The following GABRA3 variants were observed in gnomAD, a reference collection of about 807,000 sequenced individuals.
The protein encoded by GABRA3 is gamma-aminobutyric acid type A receptor subunit alpha3, also known as gamma-aminobutyric acid receptor subunit alpha-3.
Under a neutral mutation model 30.1 loss-of-function variants are expected in GABRA3, and 10 were observed. The ratio of observed to expected loss-of-function variants is 0.33; its 90% CI spans 0.20 to 0.56. GABRA3 has a LOEUF of 0.56. Ranked by LOEUF, GABRA3 falls within the 20% of genes least tolerant of loss-of-function variation. The pLI, the probability that GABRA3 is intolerant of heterozygous loss-of-function variation, is 0.89. For missense variants in GABRA3, 233 were observed against 392.0 expected (o/e 0.59, Z 3.42); for synonymous variants, 151 against 146.8 (o/e 1.03, Z -0.21).
chrX:152,301,778 C>A (rs1408203370), intron 3 of GABRA3, among the ~76,000 whole-genome samples: 2 of 111,193 alleles, frequency 1.8e-5, no homozygotes, highest in Non-Finnish European at 3.8e-5. Flanking sequence ...ATGATCTGCC[C>A]ACCTCAGCCT....
Position 152,168,478 on chromosome X carries a change from T to G in GABRA3, c.1229A>C (p.Asp410Ala). Reference protein sequence around the residue: ...GTTYPINLAKDTEFSTISKGA... With the variant: ...GTTYPINLAKATEFSTISKGA... ...CTTGGAGATGGTGGAAAATTCAGTG[T>G]CCTTGGCCAGGTTGATGGGATAGGT... The change falls in exon 10 of 10, where the codon GAC becomes GCC. Residue 410 changes from aspartate (D) to alanine (A), a missense_variant. Physicochemically the swap from Asp to Ala is moderately radical, Grantham distance 126. This residue lies in a region of GABRA3 where 66 missense variants were observed against 57.1 expected (regional missense o/e 1.16). Coordinates refer to ENST00000370314, the MANE Select transcript of GABRA3 (RefSeq NM_000808.4). The G allele has an allele frequency of 1.7e-6, 2 of 1,211,332 alleles. No individual in the cohort carries two copies. The highest frequency in any genetic ancestry group is 2.2e-6 in the Non-Finnish European group (2 of 895,024).
chrX:152,240,956 C>T (rs1453316992), intron 5 of GABRA3, among the ~76,000 whole-genome samples: 3 of 99,901 alleles, frequency 3.0e-5, no homozygotes, highest in Non-Finnish European at 6.0e-5. Flanking sequence ...TCCCGTAGCT[C>T]AGAGTAATTT....
chrX:152,223,532 CT>C (rs1436851997), intron 6 of GABRA3, among the ~76,000 whole-genome samples: 1 of 110,245 alleles, frequency 9.1e-6, no homozygotes, highest in Non-Finnish European at 1.9e-5. Context: ...TGATCTCATC[CT>C]TTTCTCCTGC....
intron 4 of GABRA3, among the ~76,000 whole-genome samples, chrX:152,275,328 ATATT>A (rs1412056608): frequency 3.7e-4 from 3 of 8,194 alleles, no homozygotes; most frequent in Admixed American, 4.3e-3. Flanking sequence ...TATATAATAT[ATATT>A]TAATATTATA....
intron 3 of GABRA3, among the ~76,000 whole-genome samples, chrX:152,343,227 A>T (rs1940340971): frequency 9.0e-6 from 1 of 111,490 alleles, no homozygotes; most frequent in Non-Finnish European, 1.9e-5. Flanking sequence ...CCTGCACTGT[A>T]GCCTAAAAAT....
intron 6 of GABRA3, among the ~76,000 whole-genome samples, chrX:152,220,976 T>C (rs7057587): frequency 0.049 from 5,451 of 110,508 alleles, 336 homozygotes; most frequent in East Asian, 0.32. Context: ...TTTATATAGA[T>C]TTGCAGGATG....
intron 2 of GABRA3, among the ~76,000 whole-genome samples, chrX:152,362,756 T>A (rs1928544248): frequency 9.0e-6 from 1 of 111,682 alleles, no homozygotes; most frequent in Non-Finnish European, 1.9e-5. Flanking sequence ...ATCTTGGTGA[T>A]TGATTCAATC....
At chrX:152,326,075 G>A (rs1176015635) in intron 3 of GABRA3, among the ~76,000 whole-genome samples, 1 of 111,220 alleles carries the variant, frequency 9.0e-6, no homozygotes, top group Non-Finnish European at 1.9e-5. Context: ...TTCAGTAGCC[G>A]ATTTGATCAA....
rs1387830293 is a variant in GABRA3 at position 152,439,257 on chromosome X, C to T, written c.-27+11889G>A. On this transcript the variant is annotated intron_variant, in intron 1 of 9. Coordinates refer to ENST00000370314, the MANE Select transcript of GABRA3 (RefSeq NM_000808.4). ...ATTTGATTCTCCTGCCTCAGTCTCC[C>T]GAGTAGCTGAGATTACAGACGCCTG... Among the ~76,000 whole-genome samples the T allele has an allele frequency of 1.2e-4, 13 of 110,511 alleles. No homozygotes were observed. In the East Asian group the frequency reaches 3.2e-3, roughly 27 times the overall value.
intron 6 of GABRA3, among the ~76,000 whole-genome samples, chrX:152,215,257 C>T (rs759447005): frequency 9.1e-6 from 1 of 109,558 alleles, no homozygotes; most frequent in Non-Finnish European, 1.9e-5. Context: ...TAGAAAAGAG[C>T]TCTCAGCCTT....
intron 3 of GABRA3, among the ~76,000 whole-genome samples, chrX:152,306,969 T>C (rs1216607663): frequency 9.0e-6 from 1 of 111,067 alleles, no homozygotes; most frequent in African/African-American, 3.3e-5. Flanking sequence ...AATTTTGATA[T>C]TCAGATAGTG....
chrX:152,192,165 T>A (rs1937333041), intron 8 of GABRA3, among the ~76,000 whole-genome samples: 1 of 112,013 alleles, frequency 8.9e-6, no homozygotes, highest in African/African-American at 3.2e-5. Flanking sequence ...ATTAAAACTG[T>A]CAACTTTTTG....
intron 9 of GABRA3, among the ~76,000 whole-genome samples, chrX:152,170,998 A>T (rs1287145175): frequency 8.9e-6 from 1 of 112,226 alleles, no homozygotes; most frequent in Non-Finnish European, 1.9e-5. Context: ...TAGCAAATTC[A>T]TTGTGTGAAT....
chrX:152,174,635 GTTGT>G (rs1199615004), intron 9 of GABRA3, among the ~76,000 whole-genome samples: 1 of 111,874 alleles, frequency 8.9e-6, no homozygotes, highest in Non-Finnish European at 1.9e-5. Context: ...TTTTGATGGA[GTTGT>G]TTGTTTTTTT....
chrX:152,277,455 T>C (rs1315945932), intron 4 of GABRA3, among the ~76,000 whole-genome samples: 3 of 111,350 alleles, frequency 2.7e-5, no homozygotes, highest in Non-Finnish European at 5.6e-5. Context: ...TTTATTGTAT[T>C]GTATACTTGC....
intron 5 of GABRA3, among the ~76,000 whole-genome samples, chrX:152,245,228 GCTCT>G (rs1235640303): frequency 6.3e-5 from 7 of 111,076 alleles, no homozygotes; most frequent in Non-Finnish European, 1.1e-4. Context: ...TCTTAGGAAT[GCTCT>G]CTCTAAGGAC....
At chrX:152,325,965 A>G in intron 3 of GABRA3, among the ~76,000 whole-genome samples, 1 of 111,311 alleles carries the variant, frequency 9.0e-6, no homozygotes, top group African/African-American at 3.3e-5. Flanking sequence ...AAAAAAGATT[A>G]GGCGAATGGC....
chrX:152,283,935 C>CT (rs202068435), intron 4 of GABRA3, among the ~76,000 whole-genome samples: 7,810 of 111,468 alleles, frequency 0.07, 281 homozygotes, highest in Middle Eastern at 0.13. Context: ...CAGATAATAG[C>CT]TTTTTTGTGT....
intron 3 of GABRA3, among the ~76,000 whole-genome samples, chrX:152,336,186 C>T: frequency 9.1e-6 from 1 of 109,465 alleles, no homozygotes; most frequent in South Asian, 4.0e-4. Context: ...ATATCTCCCC[C>T]CCTTCATTTT....
Sources: gnomAD v4.1 joint callset for allele counts (sites outside exome capture counted in the v4.1 genomes callset) on GRCh38, gnomAD v4.1.1 for gene constraint, gnomAD v4.1.1 regional missense constraint, MANE v1.5 for transcripts, NCBI Gene and HGNC (gene_info 2026-07-23, HGNC 2026-07-21) for gene names.